The following PTPRD variants were observed in gnomAD, a reference collection of about 807,000 sequenced individuals.
PTPRD encodes the protein receptor-type tyrosine-protein phosphatase delta.
A neutral mutation model predicts 214.5 loss-of-function variants in PTPRD; 34 were observed. The ratio of observed to expected loss-of-function variants is 0.16; its 90% CI spans 0.12 to 0.21. The LOEUF is 0.21. Ranked by LOEUF, PTPRD falls within the 10% of genes least tolerant of loss-of-function variation. The pLI is 1.00. For missense variants in PTPRD, 2,545 were observed against 2,398.7 expected (o/e 1.06, Z -1.27); for synonymous variants, 1,128 against 845.7 (o/e 1.33, Z -5.79).
At chr9:8,631,401 G>C (rs867347988) in intron 14 of PTPRD, among the ~76,000 whole-genome samples, 1 of 151,704 alleles carries the variant, frequency 6.6e-6, no homozygotes, top group South Asian at 2.1e-4. Context: ...GCTTACTGTC[G>C]CTTGCTGGTG....
chr9:9,409,224 A>T (rs2074558056), intron 8 of PTPRD, among the ~76,000 whole-genome samples: 1 of 152,000 alleles, frequency 6.6e-6, no homozygotes, highest in Non-Finnish European at 1.5e-5. Context: ...TTCTATGATA[A>T]TATTTTATGC....
chr9:9,670,310 G>A (rs984471386), intron 7 of PTPRD, among the ~76,000 whole-genome samples: 3 of 152,140 alleles, frequency 2.0e-5, no homozygotes, highest in African/African-American at 7.2e-5. Context: ...TTTCCAAGCA[G>A]CAAAGCATTC....
At chr9:9,820,514 G>A (rs1003198357) in intron 5 of PTPRD, among the ~76,000 whole-genome samples, 3 of 151,930 alleles carry the variant, frequency 2.0e-5, no homozygotes, top group African/African-American at 7.2e-5. Flanking sequence ...AATTTTTGTT[G>A]TTGTTGCAAT....
intron 5 of PTPRD, among the ~76,000 whole-genome samples, chr9:9,849,829 G>A (rs1171092961): frequency 1.3e-5 from 2 of 152,062 alleles, no homozygotes; most frequent in Non-Finnish European, 2.9e-5. Flanking sequence ...TGCTTTTCCT[G>A]AACACAGGAA....
intron 11 of PTPRD, among the ~76,000 whole-genome samples, chr9:8,942,467 T>C (rs1444594730): frequency 1.3e-5 from 2 of 152,174 alleles, no homozygotes; most frequent in African/African-American, 4.8e-5. Context: ...CATCAGCAAC[T>C]GGACTTGCAG....
intron 9 of PTPRD, among the ~76,000 whole-genome samples, chr9:9,194,052 T>C (rs1053962998): frequency 1.3e-5 from 2 of 152,154 alleles, no homozygotes; most frequent in African/African-American, 4.8e-5. Context: ...AAAAATAATC[T>C]TTATACTTTA....
At chr9:9,589,820 T>C (rs1055414617) in intron 7 of PTPRD, among the ~76,000 whole-genome samples, 14 of 152,020 alleles carry the variant, frequency 9.2e-5, no homozygotes, top group African/African-American at 2.9e-4. Context: ...GTAGTGATTG[T>C]TGTCATTAGT....
intron 9 of PTPRD, among the ~76,000 whole-genome samples, chr9:9,214,179 T>G (rs1478025798): frequency 1.3e-5 from 2 of 152,162 alleles, no homozygotes; most frequent in African/African-American, 4.8e-5. Flanking sequence ...TTGATGGACA[T>G]CAGGCCTGCT....
chr9:10,263,469 G>C (rs939148740), intron 3 of PTPRD, among the ~76,000 whole-genome samples: 2 of 152,180 alleles, frequency 1.3e-5, no homozygotes, highest in East Asian at 3.9e-4. Context: ...CTCAGATGGA[G>C]ATGAGGAACT....
At chr9:10,473,602 C>CA in intron 2 of PTPRD, among the ~76,000 whole-genome samples, 1 of 152,030 alleles carries the variant, frequency 6.6e-6, no homozygotes, top group Admixed American at 6.6e-5. Flanking sequence ...ACTAAAATAC[C>CA]AAATGTTGAT....
chr9:9,794,869 T>C (rs935455302), intron 5 of PTPRD, among the ~76,000 whole-genome samples: 1 of 152,140 alleles, frequency 6.6e-6, no homozygotes, highest in Non-Finnish European at 1.5e-5. Flanking sequence ...AGTGCTAAAT[T>C]AGAATAAATT....
chr9:8,557,719 G>A (rs1475989804), intron 14 of PTPRD, among the ~76,000 whole-genome samples: 1 of 141,932 alleles, frequency 7.0e-6, no homozygotes, highest in Non-Finnish European at 1.5e-5. Context: ...TTCCAGCCTG[G>A]GTGACAGAGC....
intron 12 of PTPRD, among the ~76,000 whole-genome samples, chr9:8,666,196 T>C (rs1173646007): frequency 6.6e-6 from 1 of 152,202 alleles, no homozygotes; most frequent in Non-Finnish European, 1.5e-5. Flanking sequence ...TTTCCCCTGC[T>C]GTAGAAAAGT....
intron 9 of PTPRD, among the ~76,000 whole-genome samples, chr9:9,204,367 C>G (rs897069015): frequency 5.3e-5 from 8 of 152,078 alleles, no homozygotes; most frequent in South Asian, 2.1e-4. Context: ...CTTATCATCA[C>G]AAAATCAAGT....
chr9:8,445,556 A>G lies in PTPRD; in HGVS notation c.3988+4169T>C, dbSNP rs75203960. ...CAAAAAATGATAAATGTTCCCGTAT[A>G]TTTGTCCAGACTTACCATGTGAACA... On this transcript the variant is annotated intron_variant, in intron 34 of 45. Transcript: ENST00000381196. 8.7e-4 allele frequency among the ~76,000 whole-genome samples: 132 copies of G among 152,274 alleles called. 1 individual carries two copies. Among genetic ancestry groups the G allele is most frequent in the African/African-American group, 3.2e-3 (131 of 41,568 alleles).
At chr9:10,055,341 T>A (rs2097610084) in intron 3 of PTPRD, among the ~76,000 whole-genome samples, 1 of 152,136 alleles carries the variant, frequency 6.6e-6, no homozygotes, top group Non-Finnish European at 1.5e-5. Context: ...GCATGATAAA[T>A]ATAGTTACTA....
intron 3 of PTPRD, among the ~76,000 whole-genome samples, chr9:10,057,537 A>G (rs1414808357): frequency 6.6e-6 from 1 of 152,098 alleles, no homozygotes; most frequent in Non-Finnish European, 1.5e-5. Context: ...TATTCTTCGT[A>G]AGTTGCTTAA....
chr9:9,395,253 A>G (rs1225359735), intron 9 of PTPRD, among the ~76,000 whole-genome samples: 1 of 152,066 alleles, frequency 6.6e-6, no homozygotes, highest in African/African-American at 2.4e-5. Flanking sequence ...ACAAAGCAGC[A>G]ACATAAACAT....
At chr9:9,681,262 C>T (rs1005321499) in intron 7 of PTPRD, among the ~76,000 whole-genome samples, 1 of 151,616 alleles carries the variant, frequency 6.6e-6, no homozygotes. Context: ...GTGCGGAGCC[C>T]TGTTTCCTTG....
Sources: allele counts gnomAD v4.1 joint callset (sites outside exome capture counted in the v4.1 genomes callset), GRCh38; gene constraint gnomAD v4.1.1; transcripts MANE v1.5; gene names NCBI Gene and HGNC (gene_info 2026-07-23, HGNC 2026-07-21).